PM20D2: variants seen among roughly 807,000 people sequenced by gnomAD.
PM20D2 encodes the protein peptidase M20 domain containing 2, also known as xaa-Arg dipeptidase.
A neutral mutation model predicts 42.9 loss-of-function variants in PM20D2; 33 were observed. The observed-to-expected ratio is 0.77, with a 90% CI of 0.58 to 1.03. The LOEUF is 1.03. Among genes scored for constraint, PM20D2 ranks in the 50% least tolerant of loss-of-function variants. The pLI is 0.00. For synonymous variants in PM20D2, 250 were observed against 228.2 expected (o/e 1.10, Z -0.86); for missense variants, 548 against 557.0 (o/e 0.98, Z 0.16).
the PM20D2 span, among the ~76,000 whole-genome samples, chr6:89,117,218 C>A: frequency 6.6e-6 from 1 of 152,126 alleles, no homozygotes; most frequent in South Asian, 2.1e-4. Flanking sequence ...GGACTCAGAA[C>A]TTTAAAGAAA....
At position 89,146,275 on chromosome 6, in the gene PM20D2, C is replaced by A; in HGVS notation, c.131C>A (p.Ala44Glu). 1 of 1,580,658 alleles carries A rather than the reference C, an allele frequency of 6.3e-7. No homozygotes were observed. Among genetic ancestry groups the A allele is most frequent in the Non-Finnish European group, 8.5e-7 (1 of 1,171,722 alleles). Reference protein sequence around the residue: ...AAERLGALSRAIWSQPELAYE... With the variant: ...AAERLGALSREIWSQPELAYE... The stretch of plus-strand genomic sequence containing the variant: ...GAGCGGCTGGGGGCCCTGAGCCGCG[C>A]GATCTGGAGCCAGCCCGAGCTGGCC... Residue 44 changes from alanine to glutamate, a missense_variant, in exon 1 of 7, where the codon GCG becomes GAG. Transcript: ENST00000275072.
At chr6:89,125,790 A>AC in the PM20D2 span, among the ~76,000 whole-genome samples, 4 of 151,444 alleles carry the variant, frequency 2.6e-5, no homozygotes, top group Non-Finnish European at 5.9e-5. Context: ...TCTCAAAAAA[A>AC]AAAAAAAATT....
At chr6:89,131,032 T>A in the PM20D2 span, among the ~76,000 whole-genome samples, 1 of 151,604 alleles carries the variant, frequency 6.6e-6, no homozygotes, top group Non-Finnish European at 1.5e-5. Context: ...AGCTGAAAAG[T>A]TCAAGGTCAA....
In PM20D2 at chr6:89,146,168, C is replaced by A; in HGVS notation, c.24C>A (p.Pro8=). 2 of 1,518,234 alleles carry A rather than the reference C, an allele frequency of 1.3e-6. No homozygotes were observed. Among genetic ancestry groups the A allele is most frequent in the Non-Finnish European group, 1.8e-6 (2 of 1,140,312 alleles). The allele number at this position is 1,518,234 out of a possible 1,614,324, so 94.0% of individuals were successfully genotyped here. A position where few individuals can be genotyped will look rare whatever the true frequency, so the allele number is the denominator to read the frequency against. The part of the protein sequence containing the change: MRPGGER[P]VEGGACNGRS... ...GCATGAGGCCCGGAGGGGAGCGGCC[C>A]GTGGAAGGGGGCGCGTGCAATGGCC... Residue 8 remains proline, a synonymous_variant, in exon 1 of 7, where the codon CCC becomes CCA. Coordinates refer to ENST00000275072, the MANE Select transcript of PM20D2 (RefSeq NM_001010853.3).
intron 1 of PM20D2, among the ~76,000 whole-genome samples, chr6:89,146,861 A>G (rs1770595375): frequency 6.6e-6 from 1 of 152,268 alleles, no homozygotes; most frequent in Non-Finnish European, 1.5e-5. Context: ...AGTTATAAAC[A>G]GCTCTGCTGA....
At chr6:89,103,331 CT>C in the PM20D2 span, among the ~76,000 whole-genome samples, 9,506 of 141,150 alleles carry the variant, frequency 0.067, 779 homozygotes, top group African/African-American at 0.21. Context: ...AATTTAAATT[CT>C]TTTTTTTTTT....
At chr6:89,097,677 A>C in the PM20D2 span, 1 of 152,150 alleles carries the variant, frequency 6.6e-6, no homozygotes, top group Non-Finnish European at 1.5e-5. Context: ...CAAGGTACTA[A>C]ACACTCTTTC....
the PM20D2 span, among the ~76,000 whole-genome samples, chr6:89,130,817 T>TGC: frequency 3.3e-5 from 4 of 121,366 alleles, no homozygotes; most frequent in African/African-American, 9.2e-5. Flanking sequence ...TGGCTTCTTC[T>TGC]TCTTTTTTTT....
chr6:89,142,176 CCAAT>C (rs549745176), upstream of PM20D2, among the ~76,000 whole-genome samples: 206 of 152,214 alleles, frequency 1.4e-3, no homozygotes, highest in Non-Finnish European at 2.2e-3. Flanking sequence ...CCCTTCATCC[CCAAT>C]CAAATTCACC....
the PM20D2 span, among the ~76,000 whole-genome samples, chr6:89,138,521 C>T: frequency 2.0e-5 from 3 of 150,584 alleles, no homozygotes; most frequent in South Asian, 4.2e-4. Context: ...TTTTAAAAAA[C>T]GAAAAAAAAA....
At chr6:89,155,762 G>A (rs564966468) in intron 4 of PM20D2, among the ~76,000 whole-genome samples, 24 of 152,090 alleles carry the variant, frequency 1.6e-4, no homozygotes, top group Middle Eastern at 3.2e-3. Context: ...AGGCTGGAGC[G>A]CAGTGGTGCA....
At position 89,162,253 on chromosome 6, in the gene PM20D2, C is replaced by A. The variant is rs756987495; in HGVS notation, c.1301C>A (p.Ala434Glu). 6 of 1,611,784 alleles carry A rather than the reference C, an allele frequency of 3.7e-6. No homozygotes were observed. Among genetic ancestry groups the A allele is most frequent in the Admixed American group, 1.7e-5 (1 of 59,506 alleles). The change falls in exon 7 of 7, where the codon GCA becomes GAA. Residue 434 changes from alanine (A) to glutamate (E), a missense_variant. Physicochemically the swap from Ala to Glu is moderately radical, Grantham distance 107. Around this residue, in one of 3 missense-constraint regions of PM20D2, gnomAD observed 71 missense variants for 69.7 expected, o/e 1.02. Transcript: ENST00000275072. ...CTTCAAGAAGAACAGTTTGTAAATG[C>A]AGTAGAATAAAAGACTTAGGGGCCA... ...LKLQEEQFVN[A>E]VE is the part of the protein sequence containing the mutation.
the PM20D2 span, among the ~76,000 whole-genome samples, chr6:89,100,166 T>C: frequency 6.6e-6 from 1 of 152,186 alleles, no homozygotes; most frequent in Admixed American, 6.5e-5. Context: ...TTCTAAGTTG[T>C]GTGTGTATGG....
the PM20D2 span, among the ~76,000 whole-genome samples, chr6:89,120,590 C>T: frequency 6.6e-6 from 1 of 151,960 alleles, no homozygotes; most frequent in Non-Finnish European, 1.5e-5. Context: ...ATTGGCCAGG[C>T]GTGGTGACTC....
the PM20D2 span, among the ~76,000 whole-genome samples, chr6:89,127,003 A>G: frequency 6.6e-6 from 1 of 152,222 alleles, no homozygotes; most frequent in South Asian, 2.1e-4. Context: ...ATTAAAACAT[A>G]TCAAATATTT....
chr6:89,161,374 G>T (rs1279060475), intron 5 of PM20D2, among the ~76,000 whole-genome samples: 2 of 152,196 alleles, frequency 1.3e-5, no homozygotes, highest in African/African-American at 2.4e-5. Context: ...GCCTGGAATG[G>T]AGTCTCCCGT....
At chr6:89,101,109 CAAAAAAA>C in the PM20D2 span, among the ~76,000 whole-genome samples, 463 of 54,638 alleles carry the variant, frequency 8.5e-3, 5 homozygotes, top group Non-Finnish European at 0.01. Flanking sequence ...ACCTCCAAGA[CAAAAAAA>C]AAAAAAAAAG....
intron 4 of PM20D2, among the ~76,000 whole-genome samples, chr6:89,156,790 T>C (rs1771063886): frequency 6.6e-6 from 1 of 152,138 alleles, no homozygotes; most frequent in Non-Finnish European, 1.5e-5. Context: ...AAGATAAGAA[T>C]ATAGAAGCTC....
At chr6:89,112,570 G>A in the PM20D2 span, among the ~76,000 whole-genome samples, 76 of 147,778 alleles carry the variant, frequency 5.1e-4, no homozygotes, top group Non-Finnish European at 5.6e-4. Context: ...GCATCACCAT[G>A]CCCGGCTAAC....
Sources: gnomAD v4.1 joint callset for allele counts (sites outside exome capture counted in the v4.1 genomes callset) on GRCh38, gnomAD v4.1.1 for gene constraint, gnomAD v4.1.1 regional missense constraint, MANE v1.5 for transcripts, NCBI Gene and HGNC (gene_info 2026-07-23, HGNC 2026-07-21) for gene names.